ABCC1: variants seen among roughly 807,000 people sequenced by gnomAD.
ABCC1 encodes multidrug resistance-associated protein 1.
In ABCC1, 83 loss-of-function variants were observed where a neutral mutation model predicts 172.9. The observed-to-expected ratio is 0.48, with a 90% CI of 0.40 to 0.58. The LOEUF (loss-of-function observed/expected upper bound fraction) is 0.58, where lower values mean the gene tolerates loss of function less well. ABCC1 is among the 20% of genes least tolerant of loss of function. The pLI, the probability that ABCC1 is intolerant of heterozygous loss-of-function variation, is 0.00. For missense variants in ABCC1, 1,817 were observed against 2,002.7 expected (o/e 0.91, Z 1.77); for synonymous variants, 937 against 825.2 (o/e 1.14, Z -2.32).
chr16:16,037,677 G>C (rs905641865), intron 7 of ABCC1, among the ~76,000 whole-genome samples: 1 of 152,128 alleles, frequency 6.6e-6, no homozygotes, highest in Non-Finnish European at 1.5e-5. Context: ...CCAGTGTGGT[G>C]CATTGGATTC....
At chr16:16,083,200 C>T (rs2050872686) in intron 16 of ABCC1, among the ~76,000 whole-genome samples, 166 bp from the exon 17 acceptor site, 2 of 152,198 alleles carry the variant, frequency 1.3e-5, no homozygotes, top group African/African-American at 4.8e-5. Flanking sequence ...CCAGCCCTGG[C>T]ATCTGTTGTC....
rs769669863 is a variant in ABCC1, at chr16:16,102,669, T to C, written c.2687T>C (p.Met896Thr). Reference sequence around the variant, plus strand: ...GGTCCAGGGAAGGAAGCAAAGCAAATGGAGAATGGCATGCTGGTGACGGAC... The same window carrying C: ...GGTCCAGGGAAGGAAGCAAAGCAAACGGAGAATGGCATGCTGGTGACGGAC... The part of the protein sequence containing the change: ...VSGPGKEAKQ[M>T]ENGMLVTDSA... The change falls in exon 20 of 31, where the codon ATG becomes ACG. Residue 896 changes from methionine (M) to threonine (T), a missense_variant. By Grantham distance (81) the Met-to-Thr change is moderately conservative. Coordinates refer to ENST00000399410, the MANE Select transcript of ABCC1 (RefSeq NM_004996.4). 2 of 1,592,516 alleles carry C rather than the reference T, an allele frequency of 1.3e-6. No homozygotes were observed. Among genetic ancestry groups the C allele is most frequent in the Non-Finnish European group, 1.7e-6 (2 of 1,169,516 alleles).
At chr16:16,075,137 G>T (rs1191873552) in intron 14 of ABCC1, among the ~76,000 whole-genome samples, 1 of 151,822 alleles carries the variant, frequency 6.6e-6, no homozygotes, top group Admixed American at 6.6e-5. Flanking sequence ...TAGAGATGGG[G>T]TTTCACCACG....
At chr16:15,955,595 C>T (rs1304027983) in intron 1 of ABCC1, among the ~76,000 whole-genome samples, 2 of 152,170 alleles carry the variant, frequency 1.3e-5, no homozygotes, top group Non-Finnish European at 2.9e-5. Context: ...TGTGGCCAGG[C>T]CTGTCCCTGC....
intron 5 of ABCC1, among the ~76,000 whole-genome samples, chr16:16,025,800 T>G (rs750699261): frequency 4.6e-5 from 7 of 152,222 alleles, no homozygotes; most frequent in Non-Finnish European, 1.0e-4. Flanking sequence ...TTTGGATGAA[T>G]CAGGCTTTTC....
At position 16,027,549 on chromosome 16, in the gene ABCC1, A is replaced by G. The variant is rs370779752; in HGVS notation, c.616-5560A>G. Among the ~76,000 whole-genome samples the G allele has an allele frequency of 2.2e-3, 333 of 152,316 alleles. 13 individuals are homozygous for G. In the South Asian group the frequency reaches 0.061, roughly 28 times the overall value. On this transcript the variant is annotated intron_variant, in intron 5 of 30. Transcript: ENST00000399410. ...GTATATAGGTTGGGCACGGTGGTTCATGCCTATAATCCCAGGACTTTGGGA... is the reference window on the plus strand; with the variant it reads ...GTATATAGGTTGGGCACGGTGGTTCGTGCCTATAATCCCAGGACTTTGGGA...
intron 22 of ABCC1, 141 bp from the exon 23 acceptor site, chr16:16,114,625 G>A (rs1853006280): frequency 4.8e-6 from 4 of 838,530 alleles, no homozygotes; most frequent in Admixed American, 2.9e-5. Context: ...ACAGGTGTGA[G>A]CCACCATGCC....
chr16:15,976,111 A>C (rs1325716187), intron 1 of ABCC1, among the ~76,000 whole-genome samples: 1 of 151,972 alleles, frequency 6.6e-6, no homozygotes. Context: ...ACTAAAATAT[A>C]AAATCAATCA....
intron 1 of ABCC1, among the ~76,000 whole-genome samples, chr16:15,990,036 C>T (rs116658773): frequency 6.6e-6 from 1 of 152,114 alleles, no homozygotes; most frequent in African/African-American, 2.4e-5. Context: ...GCCACTGTGC[C>T]TGGCACCATT....
chr16:16,139,904 C>G (rs1031031757), intron 30 of ABCC1, among the ~76,000 whole-genome samples: 1 of 152,122 alleles, frequency 6.6e-6, no homozygotes, highest in Non-Finnish European at 1.5e-5. Context: ...TCTTAAGGGC[C>G]GGGGTAGTTT....
At chr16:16,016,424 G>A in intron 4 of ABCC1, 72 bp from the exon 5 acceptor site, 1 of 1,587,470 alleles carries the variant, frequency 6.3e-7, no homozygotes, top group Non-Finnish European at 8.6e-7. Flanking sequence ...AAAGTGCTAG[G>A]ATTACAGGCG....
At chr16:15,959,222 T>C (rs922477625) in intron 1 of ABCC1, among the ~76,000 whole-genome samples, 3 of 152,230 alleles carry the variant, frequency 2.0e-5, no homozygotes, top group Non-Finnish European at 2.9e-5. Flanking sequence ...CGGCAGTTTC[T>C]TTTTTACTGA....
intron 1 of ABCC1, among the ~76,000 whole-genome samples, chr16:16,005,647 A>G (rs912285741): frequency 1.3e-4 from 19 of 151,790 alleles, no homozygotes; most frequent in Non-Finnish European, 2.2e-4. Flanking sequence ...CGCCCAGAAG[A>G]TTTTCTGATT....
At chr16:15,985,042 G>A (rs1057135806) in intron 1 of ABCC1, among the ~76,000 whole-genome samples, 6 of 152,134 alleles carry the variant, frequency 3.9e-5, no homozygotes, top group Admixed American at 2.0e-4. Flanking sequence ...GGTAGAGGCC[G>A]CAGTGAGCCA....
At chr16:16,042,136 ATG>A (rs2048999044) in intron 7 of ABCC1, among the ~76,000 whole-genome samples, 1 of 149,490 alleles carries the variant, frequency 6.7e-6, no homozygotes, top group Admixed American at 6.7e-5. Context: ...GCTGGCATGA[ATG>A]TGAAATGCTT....
chr16:16,077,517 G>A (rs1191665045), intron 15 of ABCC1, among the ~76,000 whole-genome samples: 1 of 151,768 alleles, frequency 6.6e-6, no homozygotes, highest in Non-Finnish European at 1.5e-5. Flanking sequence ...TCATCAGCCT[G>A]TAAGAATATT....
chr16:16,138,628 CATTA>C, intron 30 of ABCC1, 70 bp downstream of exon 30: 1 of 1,283,334 alleles, frequency 7.8e-7, no homozygotes, highest in Non-Finnish European at 1.0e-6. Context: ...CTCATTAATT[CATTA>C]ATTCATTCAA....
At position 16,125,029 on chromosome 16, in the gene ABCC1, C is replaced by T. The variant is rs139508138; in HGVS notation, c.3717+114C>T. On this transcript the variant is annotated intron_variant, in intron 25 of 30. Transcript: ENST00000399410. The stretch of plus-strand genomic sequence containing the variant: ...ATGGGGGAGAGGAACTTGAGAGGTA[C>T]GGAGTTTGAGGAGCAGGTACAGTGC... 885 of 1,505,374 alleles carry T rather than the reference C, an allele frequency of 5.9e-4. 6 individuals are homozygous for T. The East Asian group carries it at 0.011, about 18-fold the overall frequency. The allele number at this position is 1,505,374 out of a possible 1,614,324, so 93.3% of individuals were successfully genotyped here.
Position 16,098,381 on chromosome 16 carries a change from G to C in ABCC1, c.2645-4246G>C, listed in dbSNP as rs2051574854. 3 of 200,364 alleles carry C rather than the reference G, an allele frequency of 1.5e-5. No homozygotes were observed. The South Asian group carries it at 3.1e-4, about 20-fold the overall frequency. 12.4% of individuals were successfully genotyped at this position (200,364 alleles called of 1,614,324 possible). ...CGCCTGTAATCCTAGCACTTTGGGA[G>C]GCCAAGGCAGGTGTATCAGCTGAGG... On this transcript the variant is annotated intron_variant, in intron 19 of 30. Transcript: ENST00000399410.
Sources: allele counts gnomAD v4.1 joint callset (sites outside exome capture counted in the v4.1 genomes callset), GRCh38; gene constraint gnomAD v4.1.1; transcripts MANE v1.5; gene names NCBI Gene and HGNC (gene_info 2026-07-23, HGNC 2026-07-21).